ZMYM6: variants seen among roughly 807,000 people sequenced by gnomAD.
ZMYM6 encodes zinc finger MYM-type containing 6, also known as zinc finger MYM-type protein 6.
In ZMYM6, 90 loss-of-function variants were observed where a neutral mutation model predicts 134.0. The ratio of observed to expected loss-of-function variants is 0.67; its 90% CI spans 0.57 to 0.80. ZMYM6 has a LOEUF of 0.80. ZMYM6 is among the 30% of genes least tolerant of loss of function. The pLI, the probability that ZMYM6 is intolerant of heterozygous loss-of-function variation, is 0.00. For missense variants in ZMYM6, 1,362 were observed against 1,533.9 expected (o/e 0.89, Z 1.87); for synonymous variants, 481 against 524.1 (o/e 0.92, Z 1.12).
chr1:34,986,943 A>G lies in ZMYM6; in HGVS notation c.*161T>C, dbSNP rs1640587876. On this transcript the variant is annotated 3_prime_UTR_variant, in exon 16 of 16. Transcript: ENST00000357182. ...AGATTATAATTATACATAATTATTTATAACAATCATAATTATTAAATTCCT... is the reference window on the plus strand; with the variant it reads ...AGATTATAATTATACATAATTATTTGTAACAATCATAATTATTAAATTCCT... The G allele has an allele frequency of 4.5e-6, 2 of 439,722 alleles. No homozygotes were observed. The highest frequency in any genetic ancestry group is 2.0e-5 in the African/African-American group (1 of 49,290). 27.2% of individuals were successfully genotyped at this position (439,722 alleles called of 1,614,324 possible).
Position 35,013,287 on chromosome 1 carries a change from G to A in ZMYM6, c.796-706C>T, listed in dbSNP as rs1012475922. ...ATTAACAGATGAGCAGAAGAAGTAG[G>A]AAATTAAACTCATTTCATCAGGCTC... On this transcript the variant is annotated intron_variant, in intron 6 of 15. Coordinates refer to ENST00000357182, the MANE Select transcript of ZMYM6 (RefSeq NM_007167.4). 7 of 856,400 alleles carry A rather than the reference G, an allele frequency of 8.2e-6. No homozygotes were observed. The African/African-American group carries it at 1.1e-4, about 13-fold the overall frequency. The allele number at this position is 856,400 out of a possible 1,614,324, so 53.1% of individuals were successfully genotyped here.
In ZMYM6 at chr1:34,987,051, T is replaced by C. The variant is rs1408581690; in HGVS notation, c.*53A>G. On this transcript the variant is annotated 3_prime_UTR_variant, in exon 16 of 16. Coordinates refer to ENST00000357182, the MANE Select transcript of ZMYM6 (RefSeq NM_007167.4). ...AGGAAATTATCTTTTAGGATACTTA[T>C]ACAAAACTTAACACAGGATTATTGA... 3.2e-6 allele frequency: 4 copies of C among 1,256,424 alleles called. No individual in the cohort carries two copies. Among genetic ancestry groups the C allele is most frequent in the East Asian group, 5.1e-5 (2 of 39,124 alleles). 77.8% of individuals were successfully genotyped at this position (1,256,424 alleles called of 1,614,324 possible). A position where few individuals can be genotyped will look rare whatever the true frequency, so the allele number is the denominator to read the frequency against.
Position 35,005,198 on chromosome 1 carries a change from T to A in ZMYM6, c.1888A>T (p.Ser630Cys), listed in dbSNP as rs149206043. The stretch of plus-strand genomic sequence containing the variant: ...GGTATTTTTGCCAATGACATCACAC[T>A]GGTTATAACTGGTGTTGTATCTGTC... ...ARTDTTPVIT[S>C]VMSLAKIPAT... The change falls in exon 13 of 16, where the codon AGT (serine) becomes TGT (cysteine). Residue 630 changes from serine (S) to cysteine (C), a missense_variant. Physicochemically the swap from Ser to Cys is moderately radical, Grantham distance 112 (BLOSUM62 -1). This residue lies in a region of ZMYM6 where 824 missense variants were observed against 940.9 expected (regional missense o/e 0.88). Coordinates refer to ENST00000357182, the MANE Select transcript of ZMYM6 (RefSeq NM_007167.4). 2 of 1,614,132 alleles carry A rather than the reference T, an allele frequency of 1.2e-6. No homozygotes were observed. The highest frequency in any genetic ancestry group is 2.2e-5 in the South Asian group (2 of 91,080).
intron 11 of ZMYM6, among the ~76,000 whole-genome samples, chr1:35,007,466 T>G (rs1641005071): frequency 6.6e-6 from 1 of 151,948 alleles, no homozygotes; most frequent in Non-Finnish European, 1.5e-5. Flanking sequence ...CGCACGCCTG[T>G]AATCCCAGCT....
chr1:35,028,253 T>C (rs555359297), intron 2 of ZMYM6, among the ~76,000 whole-genome samples: 205 of 150,340 alleles, frequency 1.4e-3, no homozygotes, highest in African/African-American at 4.7e-3. Flanking sequence ...GAGGCGGAGG[T>C]TGCAGTGAGC....
chr1:35,011,866 A>G (rs1641093100), intron 8 of ZMYM6, 24 bp downstream of exon 8: 1 of 1,491,326 alleles, frequency 6.7e-7, no homozygotes, highest in Non-Finnish European at 9.2e-7. Flanking sequence ...AACCACATGC[A>G]TAATGTGCTA....
rs762780899 is a variant in ZMYM6, at chr1:35,012,551, C to A, written c.826G>T (p.Gly276Trp). 8.1e-6 allele frequency: 13 copies of A among 1,613,176 alleles called. No homozygotes were observed. The highest frequency in any genetic ancestry group is 1.0e-5 in the Non-Finnish European group (12 of 1,179,724). The change falls in exon 7 of 16, where the codon GGG becomes TGG. Residue 276 changes from glycine to tryptophan, a missense_variant. This residue lies in a region of ZMYM6 where 503 missense variants were observed against 520.8 expected (regional missense o/e 0.97). Coordinates refer to ENST00000357182, the MANE Select transcript of ZMYM6 (RefSeq NM_007167.4). ...TCAGCTGAGGGCCTCAATGACTTCC[C>A]CAGGGCATATGGAGGAATTTGGGCA... is the stretch of plus-strand genomic sequence containing the variant. ...NSAQIPPYALGKSLRPSAEMI... is the reference protein window; with the variant it reads ...NSAQIPPYALWKSLRPSAEMI...
chr1:34,987,695 A>C lies in ZMYM6; in HGVS notation c.3387T>G (p.Ser1129Arg). Reference sequence around the variant, plus strand: ...AGAAAGTAGTCAAAGTTCCTTGGAGACTTAAATTTAATTCATTTATAAGTG... The same window carrying C: ...AGAAAGTAGTCAAAGTTCCTTGGAGCCTTAAATTTAATTCATTTATAAGTG... ...IFSLINELNL[S>R]LQGTLTTFFN... The change falls in exon 16 of 16, where the codon AGT becomes AGG. Residue 1129 changes from serine (S) to arginine (R), a missense_variant. Physicochemically the swap from Ser to Arg is moderately radical, Grantham distance 110. Transcript: ENST00000357182. The C allele has an allele frequency of 1.3e-6, 2 of 1,550,652 alleles. No individual in the cohort carries two copies. Among genetic ancestry groups the C allele is most frequent in the Non-Finnish European group, 1.7e-6 (2 of 1,146,756 alleles).
At chr1:35,024,241 T>C (rs1420029650) in intron 2 of ZMYM6, among the ~76,000 whole-genome samples, 1 of 152,232 alleles carries the variant, frequency 6.6e-6, no homozygotes, top group African/African-American at 2.4e-5. Flanking sequence ...TATTTTAGAA[T>C]AATTATGTTC....
intron 11 of ZMYM6, among the ~76,000 whole-genome samples, chr1:35,007,689 T>C (rs1641010115): frequency 6.6e-6 from 1 of 151,826 alleles, no homozygotes; most frequent in African/African-American, 2.4e-5. Context: ...CCACCTCTCC[T>C]GGTTACTCGG....
rs761449656 is a variant in ZMYM6 at position 34,988,984 on chromosome 1, T to C, written c.2147-49A>G. 4.5e-6 allele frequency: 7 copies of C among 1,570,012 alleles called. No individual in the cohort carries two copies. In the South Asian group the frequency reaches 8.4e-5, roughly 19 times the overall value. On this transcript the variant is annotated intron_variant, in intron 15 of 15. Coordinates refer to ENST00000357182, the MANE Select transcript of ZMYM6 (RefSeq NM_007167.4). ...GTTATTTTCAAGAACAAATAAGCAA[T>C]GTTCTTTATGTATCTCCCCACATAT...
chr1:35,018,944 C>T lies in ZMYM6; in HGVS notation c.428+409G>A, dbSNP rs528807527. ...GACATTAGAAATAAACACATTTTTGCGACCATGTAGAGTTTTTACTTTTTA... is the reference window on the plus strand; with the variant it reads ...GACATTAGAAATAAACACATTTTTGTGACCATGTAGAGTTTTTACTTTTTA... On this transcript the variant is annotated intron_variant, in intron 4 of 15. Coordinates refer to ENST00000357182, the MANE Select transcript of ZMYM6 (RefSeq NM_007167.4). 28 of 211,192 alleles carry T rather than the reference C, an allele frequency of 1.3e-4. 1 individual carries two copies. The South Asian group carries it at 2.0e-3, about 15-fold the overall frequency. The allele number at this position is 211,192 out of a possible 1,614,324, so 13.1% of individuals were successfully genotyped here.
chr1:35,016,997 C>G (rs548175954), intron 4 of ZMYM6, among the ~76,000 whole-genome samples: 2 of 149,382 alleles, frequency 1.3e-5, no homozygotes, highest in African/African-American at 4.9e-5. Context: ...AGAGTGAGAC[C>G]GTGTCTCAAA....
chr1:34,988,703 A>C lies in ZMYM6; in HGVS notation c.2379T>G (p.His793Gln), dbSNP rs1640615142. ...CTACTGGTTTGTTTTCTAATTCTGA[A>C]TGTTTTGTCTTCAAATGATGAGAAA... The part of the protein sequence containing the change: ...ANLSHHLKTK[H>Q]SELENKPVDF... The change falls in exon 16 of 16, where the codon CAT becomes CAG. Residue 793 changes from histidine (H) to glutamine (Q), a missense_variant. Physicochemically the swap from His to Gln is conservative, Grantham distance 24. Transcript: ENST00000357182. 1 of 1,550,780 alleles carries C rather than the reference A, an allele frequency of 6.4e-7. No homozygotes were observed. The highest frequency in any genetic ancestry group is 2.0e-5 in the Admixed American group (1 of 50,862).
Position 35,010,489 on chromosome 1 carries a change from T to G in ZMYM6, c.1450A>C (p.Thr484Pro). Residue 484 changes from threonine to proline, a missense_variant, in exon 10 of 16, where the codon ACT becomes CCT. Physicochemically the swap from Thr to Pro is conservative, Grantham distance 38. This residue lies in a region of ZMYM6 where 35 missense variants were observed against 72.2 expected (regional missense o/e 0.48). Transcript: ENST00000357182. ...YCKLQKIIKE[T>P]VRFSGVDKPF... ...TTATCAACCCCTGAGAATCGCACAG[T>G]CTCCTTTATAATTTTCTGCAGTTTA... 2.5e-6 allele frequency: 4 copies of G among 1,613,758 alleles called. No homozygotes were observed. The highest frequency in any genetic ancestry group is 3.4e-6 in the Non-Finnish European group (4 of 1,179,932).
chr1:34,991,779 C>A (rs1378443958), intron 15 of ZMYM6, among the ~76,000 whole-genome samples: 1 of 151,488 alleles, frequency 6.6e-6, no homozygotes, highest in East Asian at 1.9e-4. Context: ...TCAAAAAAAA[C>A]AAACAAACAA....
chr1:35,023,044 GGTAT>G (rs1641339536), intron 2 of ZMYM6, among the ~76,000 whole-genome samples: 1 of 152,054 alleles, frequency 6.6e-6, no homozygotes, highest in Non-Finnish European at 1.5e-5. Flanking sequence ...ATATAAATAA[GGTAT>G]ACAGAATGAC....
intron 8 of ZMYM6, 51 bp downstream of exon 8, chr1:35,011,839 A>AGATC (rs1641091919): frequency 7.8e-7 from 1 of 1,278,986 alleles, no homozygotes; most frequent in Non-Finnish European, 1.1e-6. Flanking sequence ...ACTGTGCCAC[A>AGATC]GATCGATGCC....
At chr1:35,001,758 T>C (rs1640885350) in intron 14 of ZMYM6, among the ~76,000 whole-genome samples, 1 of 152,182 alleles carries the variant, frequency 6.6e-6, no homozygotes, top group Admixed American at 6.5e-5. Flanking sequence ...GGTATACTGC[T>C]TGAAAATAAT....
Sources: allele counts gnomAD v4.1 joint callset (sites outside exome capture counted in the v4.1 genomes callset), GRCh38; gene constraint gnomAD v4.1.1; regional missense constraint gnomAD v4.1.1; transcripts MANE v1.5; gene names NCBI Gene and HGNC (gene_info 2026-07-23, HGNC 2026-07-21).